Variants in KCNJ3 observed in about 807,000 individuals in gnomAD.
KCNJ3 encodes the protein potassium inwardly rectifying channel subfamily J member 3.
A neutral mutation model predicts 39.2 loss-of-function variants in KCNJ3; 4 were observed. The observed-to-expected ratio is 0.10, with a 90% confidence interval of 0.05 to 0.23. The LOEUF is 0.23. Ranked by LOEUF, KCNJ3 falls within the 10% of genes least tolerant of loss-of-function variation. KCNJ3 has a pLI of 1.00. For missense variants in KCNJ3, 276 were observed against 634.9 expected (o/e 0.43, Z 6.08); for synonymous variants, 230 against 237.4 (o/e 0.97, Z 0.29).
At chr2:154,702,374 T>C (rs1378995079) in intron 1 of KCNJ3, among the ~76,000 whole-genome samples, 4 of 152,110 alleles carry the variant, frequency 2.6e-5, no homozygotes, top group Non-Finnish European at 4.4e-5. Flanking sequence ...TAAAAGCTTC[T>C]TTAGATAAAT....
chr2:154,822,598 G>T (rs1415420885), intron 2 of KCNJ3, among the ~76,000 whole-genome samples: 1 of 152,154 alleles, frequency 6.6e-6, no homozygotes. Context: ...GCATTTTGCT[G>T]TGCTAATGAA....
chr2:154,836,452 A>G (rs1199234718), intron 2 of KCNJ3, among the ~76,000 whole-genome samples: 3 of 152,048 alleles, frequency 2.0e-5, no homozygotes, highest in Non-Finnish European at 4.4e-5. Flanking sequence ...ATTGAAATAA[A>G]TTACATGTAA....
intron 2 of KCNJ3, among the ~76,000 whole-genome samples, chr2:154,723,369 G>A (rs1005947627): frequency 2.0e-5 from 3 of 152,214 alleles, no homozygotes; most frequent in East Asian, 1.9e-4. Context: ...TGAGGTATAC[G>A]AAGAGGAATA....
At chr2:154,777,440 CA>C (rs1244451493) in intron 2 of KCNJ3, among the ~76,000 whole-genome samples, 1 of 152,156 alleles carries the variant, frequency 6.6e-6, no homozygotes, top group African/African-American at 2.4e-5. Context: ...CAGAGCAAAC[CA>C]AAAACAAACA....
chr2:154,748,982 A>G (rs866739448), intron 2 of KCNJ3, among the ~76,000 whole-genome samples: 37 of 152,280 alleles, frequency 2.4e-4, no homozygotes, highest in Admixed American at 6.5e-4. Context: ...GCAATGGAGA[A>G]CTACCAATAT....
chr2:154,840,659 G>C (rs913950968), intron 2 of KCNJ3, among the ~76,000 whole-genome samples: 1 of 152,196 alleles, frequency 6.6e-6, no homozygotes, highest in Non-Finnish European at 1.5e-5. Context: ...CACATCCCTT[G>C]TAAGTTGGAT....
At chr2:154,835,773 A>T (rs1226920207) in intron 2 of KCNJ3, among the ~76,000 whole-genome samples, 1 of 152,060 alleles carries the variant, frequency 6.6e-6, no homozygotes, top group Admixed American at 6.6e-5. Flanking sequence ...GCAGTTTCAT[A>T]TATTTTATAT....
At chr2:154,789,193 A>T (rs907257713) in intron 2 of KCNJ3, among the ~76,000 whole-genome samples, 1 of 152,086 alleles carries the variant, frequency 6.6e-6, no homozygotes, top group East Asian at 1.9e-4. Flanking sequence ...TGAATATTAG[A>T]TTTTTTAATC....
intron 2 of KCNJ3, among the ~76,000 whole-genome samples, chr2:154,777,854 GA>G (rs1686367019): frequency 6.6e-6 from 1 of 152,136 alleles, no homozygotes. Flanking sequence ...AGAAAAAGGA[GA>G]TTGGCTTTAT....
chr2:154,790,815 C>T lies in KCNJ3; in HGVS notation c.920-63912C>T, dbSNP rs200459642. On this transcript the variant is annotated intron_variant, in intron 2 of 2. Transcript: ENST00000295101. ...CGTATGGAATATACAGCAGGAATTG[C>T]GTGGGAGTCCTGAGAGGTCTGCCAG... 4.1e-4 allele frequency among the ~76,000 whole-genome samples: 62 copies of T among 152,024 alleles called. No homozygotes were observed. The South Asian group carries it at 9.8e-3, about 24-fold the overall frequency.
At chr2:154,731,237 G>C (rs1685444983) in intron 2 of KCNJ3, among the ~76,000 whole-genome samples, 1 of 152,068 alleles carries the variant, frequency 6.6e-6, no homozygotes, top group Non-Finnish European at 1.5e-5. Flanking sequence ...CAGGGTGTGA[G>C]AACTCTGAAA....
intron 2 of KCNJ3, among the ~76,000 whole-genome samples, chr2:154,726,022 A>T (rs1009238956): frequency 1.3e-5 from 2 of 152,148 alleles, no homozygotes; most frequent in African/African-American, 4.8e-5. Context: ...AGATAACATT[A>T]GAAAACACCT....
chr2:154,817,092 G>A (rs889741803), intron 2 of KCNJ3, among the ~76,000 whole-genome samples: 4 of 152,086 alleles, frequency 2.6e-5, no homozygotes, highest in Admixed American at 1.3e-4. Flanking sequence ...AATCATTTGA[G>A]TGCATTAATT....
intron 1 of KCNJ3, among the ~76,000 whole-genome samples, chr2:154,702,390 A>T (rs1487970979): frequency 6.6e-6 from 1 of 151,898 alleles, no homozygotes; most frequent in African/African-American, 2.4e-5. Context: ...TAAATGTAAA[A>T]CTTCTATTTA....
intron 2 of KCNJ3, among the ~76,000 whole-genome samples, chr2:154,754,473 C>T (rs753204582): frequency 6.6e-6 from 1 of 152,190 alleles, no homozygotes; most frequent in African/African-American, 2.4e-5. Context: ...TGGGGTTTCA[C>T]TGTGTTGGCC....
At chr2:154,706,453 A>G (rs1685012230) in intron 1 of KCNJ3, among the ~76,000 whole-genome samples, 1 of 152,128 alleles carries the variant, frequency 6.6e-6, no homozygotes, top group Non-Finnish European at 1.5e-5. Context: ...AACTGATGAA[A>G]TATCAGTGGT....
At chr2:154,766,744 T>G (rs568280535) in intron 2 of KCNJ3, among the ~76,000 whole-genome samples, 39 of 151,978 alleles carry the variant, frequency 2.6e-4, no homozygotes, top group African/African-American at 8.9e-4. Context: ...TCAGTAGAGA[T>G]GGGGTTTCAC....
chr2:154,812,413 AAT>A (rs1043357431), intron 2 of KCNJ3, among the ~76,000 whole-genome samples: 1 of 152,122 alleles, frequency 6.6e-6, no homozygotes, highest in Non-Finnish European at 1.5e-5. Flanking sequence ...CAAAAATTAT[AAT>A]ATATATACAC....
At chr2:154,781,697 T>A (rs1367673583) in intron 2 of KCNJ3, among the ~76,000 whole-genome samples, 2 of 152,080 alleles carry the variant, frequency 1.3e-5, no homozygotes, top group Non-Finnish European at 1.5e-5. Context: ...AGATCTTAAA[T>A]TGAAAAAAAA....
Sources: allele counts gnomAD v4.1 joint callset (sites outside exome capture counted in the v4.1 genomes callset), GRCh38; gene constraint gnomAD v4.1.1; transcripts MANE v1.5; gene names NCBI Gene and HGNC (gene_info 2026-07-23, HGNC 2026-07-21).